The following ROBO2 variants were observed in gnomAD, a reference collection of about 807,000 sequenced individuals.
The protein encoded by ROBO2 is roundabout homolog 2.
In ROBO2, 53 loss-of-function variants were observed where a neutral mutation model predicts 160.8. The observed-to-expected ratio is 0.33, with a 90% CI of 0.26 to 0.41. The LOEUF is 0.41. ROBO2 is among the 10% of genes least tolerant of loss of function. The probability of loss-of-function intolerance (pLI) is 1.00; values close to 1 mark genes in which losing one functional copy is unlikely to be tolerated. For synonymous variants in ROBO2, 664 were observed against 611.7 expected (o/e 1.09, Z -1.26); for missense variants, 1,577 against 1,722.4 (o/e 0.92, Z 1.49).
intron 2 of ROBO2, among the ~76,000 whole-genome samples, chr3:76,206,258 T>A (rs1702801728): frequency 6.6e-6 from 1 of 152,246 alleles, no homozygotes; most frequent in Non-Finnish European, 1.5e-5. Context: ...GTCTGAGAGC[T>A]GTCCTCATTT....
At chr3:76,986,919 T>C (rs752131687) in intron 2 of ROBO2, among the ~76,000 whole-genome samples, 5 of 152,152 alleles carry the variant, frequency 3.3e-5, no homozygotes, top group Non-Finnish European at 5.9e-5. Context: ...AGAAAGACCA[T>C]GCCAAATTAA....
intron 2 of ROBO2, among the ~76,000 whole-genome samples, chr3:76,844,885 A>G (rs869230077): frequency 6.6e-6 from 1 of 151,866 alleles, no homozygotes; most frequent in Non-Finnish European, 1.5e-5. Flanking sequence ...TTAGATGAGT[A>G]TAAAGCAAAG....
intron 2 of ROBO2, among the ~76,000 whole-genome samples, chr3:76,199,607 GAAACCTGACCCACA>G: frequency 6.6e-6 from 1 of 152,050 alleles, no homozygotes; most frequent in Non-Finnish European, 1.5e-5. Flanking sequence ...AATAAAAATA[GAAACCTGACCCACA>G]AACTCTGCAA....
intron 2 of ROBO2, among the ~76,000 whole-genome samples, chr3:76,021,370 A>T (rs2066570146): frequency 6.6e-6 from 1 of 151,848 alleles, no homozygotes; most frequent in South Asian, 2.1e-4. Context: ...CAATAACAAG[A>T]TAGAACAATG....
chr3:76,725,750 C>T (rs2093541716), intron 2 of ROBO2, among the ~76,000 whole-genome samples: 2 of 152,014 alleles, frequency 1.3e-5, no homozygotes, highest in African/African-American at 4.8e-5. Context: ...GAATGCAGGC[C>T]TCAGTGGAAT....
rs562724456 is a variant in ROBO2 at position 76,963,274 on chromosome 3, G to T, written c.110-134740G>T. Reference sequence around the variant, plus strand: ...TCAATTTTCTTCATTTATATATTTTGTCTTCAAAATATTTTGCTTTAATCA... The same window carrying T: ...TCAATTTTCTTCATTTATATATTTTTTCTTCAAAATATTTTGCTTTAATCA... On this transcript the variant is annotated intron_variant, in intron 2 of 26. Transcript: ENST00000487694. 1.1e-4 allele frequency among the ~76,000 whole-genome samples: 16 copies of T among 152,040 alleles called. No homozygotes were observed. In the South Asian group the frequency reaches 3.3e-3, roughly 32 times the overall value.
intron 2 of ROBO2, among the ~76,000 whole-genome samples, chr3:76,056,509 G>GA (rs983611843): frequency 6.7e-6 from 1 of 148,636 alleles, no homozygotes; most frequent in Non-Finnish European, 1.5e-5. Flanking sequence ...TAAAATTGAA[G>GA]AAAAAAAACC....
intron 2 of ROBO2, among the ~76,000 whole-genome samples, chr3:76,218,731 A>G (rs1382403966): frequency 1.3e-5 from 2 of 152,166 alleles, no homozygotes; most frequent in Non-Finnish European, 2.9e-5. Flanking sequence ...GAAAATGGCC[A>G]TACTGCCCAA....
At chr3:77,177,032 T>C (rs571137896) in intron 2 of ROBO2, among the ~76,000 whole-genome samples, 23 of 148,808 alleles carry the variant, frequency 1.5e-4, no homozygotes, top group African/African-American at 5.4e-4. Context: ...CTTAAAAAAA[T>C]GGAAAAAACA....
At chr3:76,399,822 C>T (rs544950810) in intron 2 of ROBO2, among the ~76,000 whole-genome samples, 4 of 151,476 alleles carry the variant, frequency 2.6e-5, no homozygotes, top group Admixed American at 6.6e-5. Flanking sequence ...CGCACATTGG[C>T]GAAATAACAA....
chr3:76,020,584 A>G (rs1424925136), intron 2 of ROBO2, among the ~76,000 whole-genome samples: 5 of 151,856 alleles, frequency 3.3e-5, no homozygotes. Context: ...TTTATATAAC[A>G]TAGGGACCTT....
At chr3:76,727,566 T>G (rs267117) in intron 2 of ROBO2, among the ~76,000 whole-genome samples, 83,710 of 152,006 alleles carry the variant, frequency 0.55, 24,625 homozygotes, top group Non-Finnish European at 0.66. Context: ...TCTTCAACCA[T>G]AAAAAAGAAT....
chr3:76,887,291 G>A (rs140284428), intron 2 of ROBO2, among the ~76,000 whole-genome samples: 1 of 142,634 alleles, frequency 7.0e-6, no homozygotes, highest in East Asian at 2.2e-4. Flanking sequence ...GTCATTTTAG[G>A]CAAATCCCCT....
At chr3:76,477,331 A>G (rs1241488365) in intron 2 of ROBO2, among the ~76,000 whole-genome samples, 1 of 152,160 alleles carries the variant, frequency 6.6e-6, no homozygotes, top group Admixed American at 6.6e-5. Context: ...GATAATAAGC[A>G]TTGTCCATTC....
At chr3:76,119,906 T>TTCCC (rs1367429570) in intron 2 of ROBO2, among the ~76,000 whole-genome samples, 1,865 of 86,988 alleles carry the variant, frequency 0.021, 44 homozygotes, top group East Asian at 0.027. Flanking sequence ...CTTCCCTTCC[T>TTCCC]TCCCTCCCTC....
intron 2 of ROBO2, among the ~76,000 whole-genome samples, chr3:76,620,410 T>G (rs375397665): frequency 1.3e-5 from 2 of 152,270 alleles, no homozygotes; most frequent in South Asian, 2.1e-4. Context: ...ATAAAAGGTT[T>G]ATCGTGGAGC....
chr3:77,565,323 C>A (rs2093447639), intron 12 of ROBO2, among the ~76,000 whole-genome samples: 1 of 151,594 alleles, frequency 6.6e-6, no homozygotes, highest in Non-Finnish European at 1.5e-5. Flanking sequence ...GTTTATTCAG[C>A]AAAAAATAAA....
intron 2 of ROBO2, among the ~76,000 whole-genome samples, chr3:77,132,274 A>C (rs1193391525): frequency 6.6e-6 from 1 of 152,142 alleles, no homozygotes; most frequent in Non-Finnish European, 1.5e-5. Flanking sequence ...TCTCTGAGCC[A>C]AGAGACAGAG....
chr3:75,923,832 G>A (rs1226235885), intron 1 of ROBO2, among the ~76,000 whole-genome samples: 1 of 152,174 alleles, frequency 6.6e-6, no homozygotes, highest in Non-Finnish European at 1.5e-5. Context: ...ACTGGTAGGA[G>A]GTGTAATGTG....
Sources: gnomAD v4.1 joint callset for allele counts (sites outside exome capture counted in the v4.1 genomes callset) on GRCh38, gnomAD v4.1.1 for gene constraint, MANE v1.5 for transcripts, NCBI Gene and HGNC (gene_info 2026-07-23, HGNC 2026-07-21) for gene names.